The following NUBPL variants were observed in gnomAD, a reference collection of about 807,000 sequenced individuals.
NUBPL encodes NUBP iron-sulfur cluster assembly factor, mitochondrial, also known as iron-sulfur cluster transfer protein NUBPL.
NUBPL carries 31 observed loss-of-function variants against 45.7 expected under a neutral mutation model. That is an observed-to-expected ratio of 0.68 (90% CI 0.51 to 0.92). The LOEUF is 0.92. Ranked by LOEUF, NUBPL falls within the 40% of genes least tolerant of loss-of-function variation. NUBPL has a pLI of 0.00. For synonymous variants in NUBPL, 144 were observed against 140.9 expected (o/e 1.02, Z -0.15); for missense variants, 401 against 398.7 (o/e 1.01, Z -0.05).
At chr14:31,788,528 A>G (rs1199700853) in intron 7 of NUBPL, among the ~76,000 whole-genome samples, 2 of 152,180 alleles carry the variant, frequency 1.3e-5, no homozygotes, top group Non-Finnish European at 2.9e-5. Flanking sequence ...TATGAAGTCT[A>G]CTTAATGGCA....
intron 6 of NUBPL, among the ~76,000 whole-genome samples, chr14:31,695,330 A>G (rs2037190572): frequency 6.9e-6 from 1 of 144,944 alleles, no homozygotes; most frequent in African/African-American, 2.5e-5. Context: ...GCAGTTTTTG[A>G]GTATTGTAGT....
At chr14:31,646,437 C>T (rs2035854998) in intron 4 of NUBPL, among the ~76,000 whole-genome samples, 1 of 152,174 alleles carries the variant, frequency 6.6e-6, no homozygotes, top group African/African-American at 2.4e-5. Flanking sequence ...TCCACTCAAC[C>T]TTGGCCTCCC....
intron 4 of NUBPL, among the ~76,000 whole-genome samples, chr14:31,608,854 T>C (rs2034675275): frequency 6.6e-6 from 1 of 152,154 alleles, no homozygotes; most frequent in Non-Finnish European, 1.5e-5. Context: ...GTTTGCGGCC[T>C]GGGGGTTGGG....
intron 6 of NUBPL, among the ~76,000 whole-genome samples, chr14:31,730,094 A>G (rs2038016797): frequency 6.6e-6 from 1 of 152,214 alleles, no homozygotes; most frequent in South Asian, 2.1e-4. Context: ...CAGTACGGCA[A>G]TTTGGACCAA....
chr14:31,590,760 C>T (rs755152801), intron 3 of NUBPL, among the ~76,000 whole-genome samples: 20 of 152,148 alleles, frequency 1.3e-4, no homozygotes, highest in Non-Finnish European at 1.8e-4. Flanking sequence ...ATTTTTAGAG[C>T]TCAGTGTCTG....
In NUBPL at chr14:31,719,192, G is replaced by A. The variant is rs2037754085; in HGVS notation, c.513+45618G>A. ...AGCTGGGAACTGATTTGTTGCTGCC[G>A]CCCTGCATCGCCAGAGAGTGTCATA... On this transcript the variant is annotated intron_variant, in intron 6 of 10. Transcript: ENST00000281081. 2.0e-5 allele frequency among the ~76,000 whole-genome samples: 3 copies of A among 152,188 alleles called. No individual in the cohort carries two copies. The South Asian group carries it at 6.2e-4, about 32-fold the overall frequency.
intron 4 of NUBPL, among the ~76,000 whole-genome samples, chr14:31,640,512 G>T (rs1490766697): frequency 6.6e-6 from 1 of 151,594 alleles, no homozygotes; most frequent in African/African-American, 2.4e-5. Flanking sequence ...CTACTCAGGA[G>T]GCTGAGGCAG....
At chr14:31,699,254 G>A (rs972338535) in intron 6 of NUBPL, among the ~76,000 whole-genome samples, 1 of 152,082 alleles carries the variant, frequency 6.6e-6, no homozygotes, top group Non-Finnish European at 1.5e-5. Flanking sequence ...AGTTTATTTT[G>A]GTAGCATCTA....
At chr14:31,706,260 G>A (rs1020621738) in intron 6 of NUBPL, among the ~76,000 whole-genome samples, 2 of 152,198 alleles carry the variant, frequency 1.3e-5, no homozygotes, top group African/African-American at 4.8e-5. Flanking sequence ...CAGTTATAGT[G>A]TCCTCCAGAG....
At chr14:31,768,153 T>TG (rs2038946446) in intron 6 of NUBPL, among the ~76,000 whole-genome samples, 1 of 152,186 alleles carries the variant, frequency 6.6e-6, no homozygotes, top group African/African-American at 2.4e-5. Context: ...TTTCAATGGG[T>TG]GGTGTTTTTA....
chr14:31,576,503 T>C (rs1197223083), intron 3 of NUBPL, among the ~76,000 whole-genome samples: 2 of 152,172 alleles, frequency 1.3e-5, no homozygotes, highest in African/African-American at 4.8e-5. Context: ...TTAAGTCGTC[T>C]TCCTCCTTTA....
At chr14:31,752,717 TCTTTATAGCAGTAC>T (rs1255329985) in intron 6 of NUBPL, among the ~76,000 whole-genome samples, 7 of 152,386 alleles carry the variant, frequency 4.6e-5, no homozygotes, top group African/African-American at 1.7e-4. Flanking sequence ...TGTCAGGTTA[TCTTTATAGCAGTAC>T]CCCAGTATCC....
intron 4 of NUBPL, among the ~76,000 whole-genome samples, chr14:31,624,718 C>T (rs1422617372): frequency 6.6e-6 from 1 of 152,146 alleles, no homozygotes; most frequent in Non-Finnish European, 1.5e-5. Context: ...GCGCCTGCCA[C>T]CATGCCCAGC....
chr14:31,821,116 T>G lies in NUBPL; in HGVS notation c.608-5513T>G, dbSNP rs188990257. On this transcript the variant is annotated intron_variant, in intron 7 of 10. Coordinates refer to ENST00000281081, the MANE Select transcript of NUBPL (RefSeq NM_025152.3). ...CCAGCCTGGGCAACAAGAGCGAAAC[T>G]CCATCTCAAAAATAAATAAATAAAT... Among the ~76,000 whole-genome samples, 585 of 148,366 alleles carry G rather than the reference T, an allele frequency of 3.9e-3. 1 individual carries two copies. The highest frequency in any genetic ancestry group is 0.013 in the African/African-American group (530 of 41,204).
At chr14:31,789,462 A>T (rs997042163) in intron 7 of NUBPL, among the ~76,000 whole-genome samples, 1 of 152,186 alleles carries the variant, frequency 6.6e-6, no homozygotes, top group African/African-American at 2.4e-5. Flanking sequence ...TATATCAAAT[A>T]CATACTACTT....
intron 6 of NUBPL, among the ~76,000 whole-genome samples, chr14:31,704,661 T>C (rs1260190584): frequency 2.0e-5 from 3 of 150,730 alleles, no homozygotes; most frequent in Non-Finnish European, 3.0e-5. Context: ...CAAAACTCCA[T>C]CTTAAAAAAA....
intron 3 of NUBPL, chr14:31,578,007 G>A: frequency 7.8e-7 from 1 of 1,286,864 alleles, no homozygotes; most frequent in Non-Finnish European, 1.0e-6. Flanking sequence ...CTGGCCCGTT[G>A]TTATGAACTC....
intron 3 of NUBPL, chr14:31,578,052 T>G: frequency 1.8e-6 from 2 of 1,111,270 alleles, no homozygotes; most frequent in Non-Finnish European, 2.4e-6. Flanking sequence ...AGATTACACT[T>G]TGGCAGAATT....
intron 8 of NUBPL, among the ~76,000 whole-genome samples, chr14:31,838,757 T>C (rs1309924247): frequency 6.6e-6 from 1 of 152,180 alleles, no homozygotes; most frequent in Admixed American, 6.5e-5. Context: ...ACTTTAAAAA[T>C]TATTCAGATA....
Sources: gnomAD v4.1 joint callset for allele counts (sites outside exome capture counted in the v4.1 genomes callset) on GRCh38, gnomAD v4.1.1 for gene constraint, MANE v1.5 for transcripts, NCBI Gene and HGNC (gene_info 2026-07-23, HGNC 2026-07-21) for gene names.